The following ANKS1B variants were observed in gnomAD, a reference collection of about 807,000 sequenced individuals.
The protein encoded by ANKS1B is ankyrin repeat and sterile alpha motif domain containing 1B, also known as ankyrin repeat and sterile alpha motif domain-containing protein 1B.
Under a neutral mutation model 148.3 loss-of-function variants are expected in ANKS1B, and 36 were observed. That is an observed-to-expected ratio of 0.24 (90% CI 0.19 to 0.32). The LOEUF is 0.32. ANKS1B is among the 10% of genes least tolerant of loss of function. The pLI is 1.00. For missense variants in ANKS1B, 1,157 were observed against 1,542.6 expected (o/e 0.75, Z 4.19); for synonymous variants, 542 against 560.8 (o/e 0.97, Z 0.47).
intron 1 of ANKS1B, among the ~76,000 whole-genome samples, chr12:99,844,880 C>T (rs952860506): frequency 6.6e-6 from 1 of 152,004 alleles, no homozygotes; most frequent in Non-Finnish European, 1.5e-5. Context: ...AAATGTTTTT[C>T]CATTTGTTTG....
intron 12 of ANKS1B, among the ~76,000 whole-genome samples, chr12:99,323,094 C>A (rs1440996558): frequency 6.6e-6 from 1 of 152,112 alleles, no homozygotes; most frequent in Non-Finnish European, 1.5e-5. Context: ...TTGAGTTGCT[C>A]TTCCTTTATA....
chr12:99,644,615 C>T (rs954584217), intron 9 of ANKS1B, among the ~76,000 whole-genome samples: 3 of 152,168 alleles, frequency 2.0e-5, no homozygotes, highest in African/African-American at 7.2e-5. Context: ...AAAGCCATTT[C>T]TATATTTTTA....
intron 9 of ANKS1B, among the ~76,000 whole-genome samples, chr12:99,606,122 T>C (rs896849167): frequency 1.3e-5 from 2 of 152,070 alleles, no homozygotes; most frequent in Non-Finnish European, 2.9e-5. Context: ...TCTTGGCCAT[T>C]TGTATGTCTT....
rs528158198 is a variant in ANKS1B, at chr12:98,862,364, T to C, written c.2779-30228A>G. Among the ~76,000 whole-genome samples, 7 of 152,278 alleles carry C rather than the reference T, an allele frequency of 4.6e-5. No individual in the cohort carries two copies. In the East Asian group the frequency reaches 1.3e-3, roughly 29 times the overall value. On this transcript the variant is annotated intron_variant, in intron 17 of 26. Transcript: ENST00000683438. ...AAAATGGGAACAGTAATAATCCCAT[T>C]CTCAAAGGGTTGTTTGTGTGAGAAT...
At chr12:99,681,042 T>A (rs2153483174) in intron 8 of ANKS1B, among the ~76,000 whole-genome samples, 1 of 152,216 alleles carries the variant, frequency 6.6e-6, no homozygotes, top group Non-Finnish European at 1.5e-5. Context: ...CGGCCTCCAC[T>A]TGATGATTTT....
chr12:99,442,663 G>A lies in ANKS1B; in HGVS notation c.1575+1010C>T, dbSNP rs1848728601. ...TTAAAGTGTTCTACAAACTGCAGTG[G>A]CTATCCAAAATTTAAGTGCCATTTT... On this transcript the variant is annotated intron_variant, in intron 11 of 26. Coordinates refer to ENST00000683438, the MANE Select transcript of ANKS1B (RefSeq NM_001352186.2). Among the ~76,000 whole-genome samples the A allele has an allele frequency of 2.0e-5, 3 of 151,894 alleles. No homozygotes were observed. In the South Asian group the frequency reaches 6.2e-4, roughly 31 times the overall value.
At chr12:99,445,842 A>G (rs1054726241) in intron 10 of ANKS1B, among the ~76,000 whole-genome samples, 12 of 151,824 alleles carry the variant, frequency 7.9e-5, no homozygotes, top group African/African-American at 2.7e-4. Flanking sequence ...CCACCTTAGC[A>G]TCCTGAGTAT....
chr12:98,981,707 C>A (rs571807917), intron 17 of ANKS1B, among the ~76,000 whole-genome samples: 1 of 152,276 alleles, frequency 6.6e-6, no homozygotes, highest in African/African-American at 2.4e-5. Flanking sequence ...GCCTATTTCC[C>A]AAATCTGTTT....
chr12:99,978,845 C>T (rs1413814958), intron 1 of ANKS1B, among the ~76,000 whole-genome samples: 1 of 152,118 alleles, frequency 6.6e-6, no homozygotes, highest in Admixed American at 6.6e-5. Context: ...ATCTTAAGAA[C>T]TGTATTATTT....
intron 17 of ANKS1B, among the ~76,000 whole-genome samples, chr12:98,838,651 C>T (rs1404761024): frequency 1.3e-5 from 2 of 152,118 alleles, no homozygotes; most frequent in African/African-American, 4.8e-5. Context: ...ATTTGGAACT[C>T]CCTTCCATTT....
intron 19 of ANKS1B, among the ~76,000 whole-genome samples, chr12:98,824,364 T>C (rs2099228518): frequency 6.6e-6 from 1 of 152,222 alleles, no homozygotes; most frequent in Non-Finnish European, 1.5e-5. Flanking sequence ...ATGGTCTTTA[T>C]AGAATGCTAC....
chr12:98,864,786 C>T (rs1193748082), intron 17 of ANKS1B, among the ~76,000 whole-genome samples: 1 of 152,142 alleles, frequency 6.6e-6, no homozygotes, highest in Non-Finnish European at 1.5e-5. Context: ...AGATAATTGC[C>T]TGCCTCTTTC....
At chr12:99,270,027 C>G (rs1388386553) in intron 12 of ANKS1B, among the ~76,000 whole-genome samples, 1 of 152,032 alleles carries the variant, frequency 6.6e-6, no homozygotes, top group Non-Finnish European at 1.5e-5. Context: ...AAAAAGATAG[C>G]AACAATATTA....
intron 1 of ANKS1B, among the ~76,000 whole-genome samples, chr12:99,927,815 A>G (rs2094510070): frequency 6.6e-6 from 1 of 152,152 alleles, no homozygotes; most frequent in Non-Finnish European, 1.5e-5. Flanking sequence ...AAACAAGAAT[A>G]TGCTGCTTTA....
chr12:99,101,240 T>C (rs2057866395), intron 15 of ANKS1B, among the ~76,000 whole-genome samples: 1 of 152,096 alleles, frequency 6.6e-6, no homozygotes, highest in Admixed American at 6.5e-5. Flanking sequence ...ATTTACAATG[T>C]AGAGAGCAAA....
At position 98,871,746 on chromosome 12, in the gene ANKS1B, T is replaced by C. The variant is rs542332160; in HGVS notation, c.2779-39610A>G. 2.7e-4 allele frequency among the ~76,000 whole-genome samples: 41 copies of C among 152,316 alleles called. 1 individual carries two copies. Among genetic ancestry groups the C allele is most frequent in the African/African-American group, 8.9e-4 (37 of 41,568 alleles). On this transcript the variant is annotated intron_variant, in intron 17 of 26. Transcript: ENST00000683438. ...TTTATCTACATCTAGATAATGTAGA[T>C]TGATGATCCATCTAAATCAAGAATT...
At chr12:99,051,525 CTA>C (rs2099966059) in intron 17 of ANKS1B, among the ~76,000 whole-genome samples, 1 of 152,172 alleles carries the variant, frequency 6.6e-6, no homozygotes, top group African/African-American at 2.4e-5. Flanking sequence ...TAAAAAATAT[CTA>C]TGAGTAGCCA....
intron 17 of ANKS1B, among the ~76,000 whole-genome samples, chr12:98,990,155 A>T (rs1327983615): frequency 6.6e-6 from 1 of 151,950 alleles, no homozygotes; most frequent in Non-Finnish European, 1.5e-5. Context: ...TGTGCATGAG[A>T]TCTCTTTCTA....
At chr12:98,984,524 T>A (rs972398481) in intron 17 of ANKS1B, among the ~76,000 whole-genome samples, 7 of 152,356 alleles carry the variant, frequency 4.6e-5, no homozygotes, top group Non-Finnish European at 8.8e-5. Context: ...TCCTTAGCTA[T>A]ATATTAAAGT....
Sources: gnomAD v4.1 joint callset for allele counts (sites outside exome capture counted in the v4.1 genomes callset) on GRCh38, gnomAD v4.1.1 for gene constraint, MANE v1.5 for transcripts, NCBI Gene and HGNC (gene_info 2026-07-23, HGNC 2026-07-21) for gene names.